Variants in NAV2 observed in about 807,000 individuals in gnomAD.
NAV2 encodes the protein neuron navigator 2, also known as helicase, APC down-regulated 1.
In NAV2, 54 loss-of-function variants were observed where a neutral mutation model predicts 223.2. That is an observed-to-expected ratio of 0.24 (90% confidence interval 0.19 to 0.30). The LOEUF (loss-of-function observed/expected upper bound fraction) is 0.30. Among genes scored for constraint, NAV2 ranks in the 10% least tolerant of loss-of-function variants. The pLI, the probability that NAV2 is intolerant of heterozygous loss-of-function variation, is 1.00. For missense variants in NAV2, 2,806 were observed against 3,147.5 expected, an observed-to-expected ratio of 0.89 and a Z score of 2.60; for synonymous variants, 1,279 against 1,239.3, an observed-to-expected ratio of 1.03 and a Z score of -0.67.
chr11:19,447,946 C>G (rs1429561127), intron 1 of NAV2, among the ~76,000 whole-genome samples: 1 of 152,184 alleles, frequency 6.6e-6, no homozygotes, highest in Non-Finnish European at 1.5e-5. Flanking sequence ...AATCCAGACC[C>G]TCCCACCTTC....
intron 1 of NAV2, among the ~76,000 whole-genome samples, chr11:19,804,921 C>G (rs1388334915): frequency 6.6e-6 from 1 of 152,084 alleles, no homozygotes; most frequent in Non-Finnish European, 1.5e-5. Flanking sequence ...GAGTAAAGGC[C>G]CAGAGGCTGG....
intron 1 of NAV2, among the ~76,000 whole-genome samples, chr11:19,763,280 A>G (rs2053497385): frequency 6.6e-6 from 1 of 152,332 alleles, no homozygotes; most frequent in Middle Eastern, 3.4e-3. Flanking sequence ...TCTCTACCCT[A>G]TAGAGATGGT....
intron 1 of NAV2, chr11:19,505,614 T>C (rs2043100750): frequency 6.6e-6 from 1 of 152,120 alleles, no homozygotes; most frequent in Non-Finnish European, 1.5e-5. Context: ...GCCAGCAAGC[T>C]GGAATGGCCA....
At chr11:19,376,228 T>A (rs572552526) in intron 1 of NAV2, among the ~76,000 whole-genome samples, 1 of 152,354 alleles carries the variant, frequency 6.6e-6, no homozygotes, top group East Asian at 1.9e-4. Flanking sequence ...TCTGGTTATA[T>A]AATCTGGATC....
chr11:19,505,686 A>G (rs2043103465), intron 1 of NAV2: 1 of 152,198 alleles, frequency 6.6e-6, no homozygotes, highest in African/African-American at 2.4e-5. Flanking sequence ...CACAAATCAC[A>G]TTTACAGCAA....
chr11:19,695,522 T>C (rs1042535740), intron 1 of NAV2, among the ~76,000 whole-genome samples: 2 of 152,202 alleles, frequency 1.3e-5, no homozygotes, highest in Non-Finnish European at 2.9e-5. Context: ...CTGGGATTGA[T>C]TGGCTGCAGG....
chr11:19,626,542 C>G (rs2047176937), intron 1 of NAV2, among the ~76,000 whole-genome samples: 1 of 152,100 alleles, frequency 6.6e-6, no homozygotes, highest in South Asian at 2.1e-4. Context: ...AATTTTAGAA[C>G]TTTTTTTCCC....
chr11:19,541,291 C>T (rs937075342), intron 1 of NAV2, among the ~76,000 whole-genome samples: 1 of 152,168 alleles, frequency 6.6e-6, no homozygotes, highest in Admixed American at 6.5e-5. Flanking sequence ...ACTATCCCAC[C>T]CTTTCTACCA....
intron 1 of NAV2, among the ~76,000 whole-genome samples, chr11:19,718,354 C>T (rs1338904363): frequency 6.6e-6 from 1 of 152,158 alleles, no homozygotes; most frequent in Non-Finnish European, 1.5e-5. Flanking sequence ...AAAATATATA[C>T]ATATATAAAA....
chr11:20,028,805 T>C (rs1591733405), intron 11 of NAV2, among the ~76,000 whole-genome samples: 2 of 152,148 alleles, frequency 1.3e-5, no homozygotes, highest in East Asian at 1.9e-4. Flanking sequence ...TTAGGCAAGA[T>C]TGCATCCTCT....
intron 1 of NAV2, among the ~76,000 whole-genome samples, chr11:19,793,034 C>CT (rs1171200690): frequency 6.6e-6 from 1 of 151,582 alleles, no homozygotes; most frequent in East Asian, 1.9e-4. Context: ...CATGGCGAAA[C>CT]CCTGTCTCTA....
At chr11:19,572,148 C>G (rs1337861621) in intron 1 of NAV2, among the ~76,000 whole-genome samples, 1 of 152,258 alleles carries the variant, frequency 6.6e-6, no homozygotes, top group Non-Finnish European at 1.5e-5. Flanking sequence ...GCCTGCTCCT[C>G]CCACTGCCTG....
intron 1 of NAV2, among the ~76,000 whole-genome samples, chr11:19,533,923 G>T (rs1464805256): frequency 1.5e-5 from 2 of 133,094 alleles, no homozygotes; most frequent in South Asian, 2.1e-4. Context: ...AGCCGGGATG[G>T]TCTCGATCTC....
At chr11:20,101,706 G>T (rs2061654900) in intron 32 of NAV2, among the ~76,000 whole-genome samples, 1 of 152,166 alleles carries the variant, frequency 6.6e-6, no homozygotes, top group Admixed American at 6.5e-5. Flanking sequence ...TAGAACTGAA[G>T]CTCAAGTCAA....
intron 6 of NAV2, among the ~76,000 whole-genome samples, chr11:19,915,111 T>C (rs988969288): frequency 8.5e-5 from 13 of 152,220 alleles, no homozygotes; most frequent in African/African-American, 3.1e-4. Flanking sequence ...TCAAAGTTGG[T>C]GCACAGCTTT....
intron 1 of NAV2, among the ~76,000 whole-genome samples, chr11:19,419,583 A>C (rs1850526241): frequency 6.6e-6 from 1 of 152,174 alleles, no homozygotes; most frequent in Admixed American, 6.5e-5. Context: ...AATGATAGAA[A>C]TGCATATTCC....
At chr11:19,593,368 A>G (rs1296268900) in intron 1 of NAV2, among the ~76,000 whole-genome samples, 1 of 152,136 alleles carries the variant, frequency 6.6e-6, no homozygotes, top group African/African-American at 2.4e-5. Flanking sequence ...TTCCATGGAT[A>G]TGCCACCAAT....
chr11:19,449,285 A>G (rs1474693198), intron 1 of NAV2, among the ~76,000 whole-genome samples: 1 of 151,952 alleles, frequency 6.6e-6, no homozygotes, highest in African/African-American at 2.4e-5. Flanking sequence ...ATTCTGACGA[A>G]TGTGGAGGCC....
intron 30 of NAV2, 107 bp from the exon 31 acceptor site, chr11:20,097,470 A>G (rs548108160): frequency 6.7e-4 from 628 of 933,178 alleles, no homozygotes; most frequent in Non-Finnish European, 8.6e-4. Flanking sequence ...CAACTCAGAC[A>G]TCTGAGAAAG....
Sources: allele counts gnomAD v4.1 joint callset (sites outside exome capture counted in the v4.1 genomes callset), GRCh38; gene constraint gnomAD v4.1.1; transcripts MANE v1.5; gene names NCBI Gene and HGNC (gene_info 2026-07-23, HGNC 2026-07-21).